Variants in PTPN14 observed in about 807,000 individuals in gnomAD.
PTPN14 encodes the protein protein tyrosine phosphatase non-receptor type 14, also known as tyrosine-protein phosphatase non-receptor type 14.
Under a neutral mutation model 126.8 loss-of-function variants are expected in PTPN14, and 53 were observed. The ratio of observed to expected loss-of-function variants is 0.42; its 90% CI spans 0.34 to 0.53. PTPN14 has a LOEUF of 0.53. PTPN14 is among the 20% of genes least tolerant of loss of function. The pLI is 0.08. For synonymous variants in PTPN14, 630 were observed against 599.3 expected, an observed-to-expected ratio of 1.05 and a Z score of -0.75; for missense variants, 1,257 against 1,552.9, an observed-to-expected ratio of 0.81 and a Z score of 3.20.
At chr1:214,451,085 TACC>T (rs1660262536) in intron 3 of PTPN14, among the ~76,000 whole-genome samples, 1 of 152,236 alleles carries the variant, frequency 6.6e-6, no homozygotes. Context: ...CGAAGTCTGA[TACC>T]ACATTTTGTT....
chr1:214,425,498 G>A (rs921577817), intron 3 of PTPN14, among the ~76,000 whole-genome samples: 1 of 152,060 alleles, frequency 6.6e-6, no homozygotes, highest in Non-Finnish European at 1.5e-5. Flanking sequence ...TGCCTCCTTT[G>A]CTGTTTTATA....
chr1:214,454,636 G>A (rs1327849475), intron 2 of PTPN14, among the ~76,000 whole-genome samples: 2 of 152,138 alleles, frequency 1.3e-5, no homozygotes, highest in Admixed American at 1.3e-4. Flanking sequence ...AGGTACAAGA[G>A]AAATGATAGT....
chr1:214,518,518 A>G (rs1167291425), intron 1 of PTPN14, among the ~76,000 whole-genome samples: 1 of 152,204 alleles, frequency 6.6e-6, no homozygotes, highest in Non-Finnish European at 1.5e-5. Flanking sequence ...TAGATGATCT[A>G]TTTCACAAAG....
At chr1:214,533,696 G>T (rs1655620538) in intron 1 of PTPN14, among the ~76,000 whole-genome samples, 1 of 151,988 alleles carries the variant, frequency 6.6e-6, no homozygotes, top group African/African-American at 2.4e-5. Context: ...AATTAGCCGG[G>T]CGTGGTGGCG....
At chr1:214,481,494 A>T (rs1308681748) in intron 1 of PTPN14, among the ~76,000 whole-genome samples, 1 of 115,572 alleles carries the variant, frequency 8.7e-6, no homozygotes, top group East Asian at 2.7e-4. Flanking sequence ...CTGGGAAACA[A>T]GCGCGAAACT....
At chr1:214,406,044 C>T (rs1297088550) in intron 5 of PTPN14, among the ~76,000 whole-genome samples, 1 of 152,110 alleles carries the variant, frequency 6.6e-6, no homozygotes, top group Non-Finnish European at 1.5e-5. Context: ...ATAACTAAAG[C>T]CTAGGAATAT....
rs1412527701 is a variant in PTPN14, at chr1:214,378,153, T to G, written c.2545-51A>C. The G allele has an allele frequency of 1.9e-6, 3 of 1,545,938 alleles. No homozygotes were observed. In the Admixed American group the frequency reaches 5.6e-5, roughly 29 times the overall value. On this transcript the variant is annotated intron_variant, in intron 13 of 18. Coordinates refer to ENST00000366956, the MANE Select transcript of PTPN14 (RefSeq NM_005401.5). ...CATTGTTTATAATACTAGTAGAATG[T>G]TGGAATGTGTTTTAATCTCCTCAAA...
intron 8 of PTPN14, among the ~76,000 whole-genome samples, chr1:214,397,018 T>C (rs771317271): frequency 1.3e-5 from 2 of 152,208 alleles, no homozygotes; most frequent in African/African-American, 4.8e-5. Context: ...GCTTCAATAA[T>C]GTCTCTATTC....
chr1:214,544,219 A>T, intron 1 of PTPN14, among the ~76,000 whole-genome samples: 1 of 152,306 alleles, frequency 6.6e-6, no homozygotes, highest in Admixed American at 6.5e-5. Flanking sequence ...TGAGCCCAGG[A>T]GTTCAGGACC....
At chr1:214,436,311 G>A (rs1323100807) in intron 3 of PTPN14, among the ~76,000 whole-genome samples, 2 of 152,044 alleles carry the variant, frequency 1.3e-5, no homozygotes, top group African/African-American at 4.8e-5. Context: ...TATTGCCCGG[G>A]TGATGAAATA....
rs953226510 is a variant in PTPN14 at position 214,350,358 on chromosome 1, T to G, written c.*7564A>C. The G allele has an allele frequency of 1.3e-5, 2 of 152,160 alleles. No individual in the cohort carries two copies. Among genetic ancestry groups the G allele is most frequent in the African/African-American group, 4.8e-5 (2 of 41,454 alleles). The allele number at this position is 152,160 out of a possible 1,614,324, so 9.4% of individuals were successfully genotyped here. ...GCAGCCTCTCTCAATCTATATAAGT[T>G]CACCTCGAAATACATATTAAGTACT... On this transcript the variant is annotated 3_prime_UTR_variant, in exon 19 of 19. Transcript: ENST00000366956.
chr1:214,368,568 G>C (rs1378186551), intron 17 of PTPN14, among the ~76,000 whole-genome samples: 1 of 152,008 alleles, frequency 6.6e-6, no homozygotes, highest in African/African-American at 2.4e-5. Flanking sequence ...AAACTTACCA[G>C]TTTAACCATT....
chr1:214,488,000 G>A (rs1365588809), intron 1 of PTPN14, among the ~76,000 whole-genome samples: 2 of 152,160 alleles, frequency 1.3e-5, no homozygotes, highest in Non-Finnish European at 2.9e-5. Context: ...GCAGAGTTGG[G>A]ACCTAAAGTC....
intron 2 of PTPN14, among the ~76,000 whole-genome samples, chr1:214,453,239 A>G (rs1161375773): frequency 3.9e-5 from 6 of 152,236 alleles, no homozygotes; most frequent in Non-Finnish European, 7.3e-5. Context: ...TTATATTTCT[A>G]TCAACTTAGA....
chr1:214,398,122 T>C, intron 7 of PTPN14, 121 bp from the exon 8 acceptor site: 2 of 758,016 alleles, frequency 2.6e-6, no homozygotes, highest in East Asian at 5.3e-5. Flanking sequence ...AAAGAAAACG[T>C]GGTACATGTG....
chr1:214,402,073 A>C (rs1277517927), intron 6 of PTPN14, among the ~76,000 whole-genome samples: 2 of 152,128 alleles, frequency 1.3e-5, no homozygotes, highest in African/African-American at 4.8e-5. Flanking sequence ...TTTAAAAAGA[A>C]GTTATTTTTC....
rs376704461 is a variant in PTPN14, at chr1:214,353,152, T to C, written c.*4770A>G. 2.0e-5 allele frequency: 3 copies of C among 151,830 alleles called. No homozygotes were observed. Among genetic ancestry groups the C allele is most frequent in the East Asian group, 1.9e-4 (1 of 5,180 alleles). 9.4% of individuals were successfully genotyped at this position (151,830 alleles called of 1,614,324 possible). On this transcript the variant is annotated 3_prime_UTR_variant, in exon 19 of 19. Transcript: ENST00000366956. ...CCCCAAACGAAAATCAGTAACGAAA[T>C]AGTTGTCCTTTACCAAAGGGGGCAA...
intron 1 of PTPN14, among the ~76,000 whole-genome samples, chr1:214,516,689 A>G (rs916316457): frequency 1.3e-5 from 2 of 152,176 alleles, no homozygotes; most frequent in African/African-American, 4.8e-5. Flanking sequence ...TTGGGTATAG[A>G]TTCAAAGGAA....
At chr1:214,437,986 A>G (rs1558102359) in intron 3 of PTPN14, among the ~76,000 whole-genome samples, 1 of 152,234 alleles carries the variant, frequency 6.6e-6, no homozygotes, top group Non-Finnish European at 1.5e-5. Flanking sequence ...TTAAAATGCC[A>G]TAGGCAATAC....
Sources: gnomAD v4.1 joint callset for allele counts (sites outside exome capture counted in the v4.1 genomes callset) on GRCh38, gnomAD v4.1.1 for gene constraint, MANE v1.5 for transcripts, NCBI Gene and HGNC (gene_info 2026-07-23, HGNC 2026-07-21) for gene names.